The following PLEKHA5 variants were observed in gnomAD, a reference collection of about 807,000 sequenced individuals.
The protein encoded by PLEKHA5 is pleckstrin homology domain-containing family A member 5.
In PLEKHA5, 55 loss-of-function variants were observed where a neutral mutation model predicts 181.9. The ratio of observed to expected loss-of-function variants is 0.30; its 90% CI spans 0.24 to 0.38. The LOEUF is 0.38. Among genes scored for constraint, PLEKHA5 ranks in the 10% least tolerant of loss-of-function variants. The pLI, the probability that PLEKHA5 is intolerant of heterozygous loss-of-function variation, is 1.00. For synonymous variants in PLEKHA5, 535 were observed against 529.4 expected, an observed-to-expected ratio of 1.01 and a Z score of -0.15; for missense variants, 1,432 against 1,549.5, an observed-to-expected ratio of 0.92 and a Z score of 1.27.
At chr12:19,343,580 C>T in intron 22 of PLEKHA5, 146 bp downstream of exon 22, 1 of 641,712 alleles carries the variant, frequency 1.6e-6, no homozygotes, top group East Asian at 2.8e-5. Context: ...AGTTGTATGG[C>T]CTACTACACA....
chr12:19,273,888 C>A (rs1205646810), intron 10 of PLEKHA5, among the ~76,000 whole-genome samples: 5 of 152,160 alleles, frequency 3.3e-5, no homozygotes, highest in Admixed American at 2.0e-4. Flanking sequence ...TACCCATTTA[C>A]CAAAGAGGAA....
rs1194630127 is a variant in PLEKHA5 at position 19,376,028 on chromosome 12, AT to A, written c.*511del. The A allele has an allele frequency of 2.0e-5, 3 of 151,756 alleles. No individual in the cohort carries two copies. The South Asian group carries it at 6.2e-4, about 31-fold the overall frequency. 9.4% of individuals were successfully genotyped at this position (151,756 alleles called of 1,614,324 possible). On this transcript the variant is annotated 3_prime_UTR_variant, in exon 32 of 32. Coordinates refer to ENST00000429027, the MANE Select transcript of PLEKHA5 (RefSeq NM_001256470.2). The stretch of plus-strand genomic sequence containing the variant: ...ATATGTATTTAAAATGTGCCATTTT[AT>A]TGCTAAGTGAAGTATGTCCTGTTTT...
Position 19,322,522 on chromosome 12 carries a change from C to T in PLEKHA5, c.2303C>T (p.Thr768Met), listed in dbSNP as rs528534713. 9.9e-6 allele frequency: 16 copies of T among 1,613,714 alleles called. No individual in the cohort carries two copies. Among genetic ancestry groups the T allele is most frequent in the South Asian group, 2.2e-5 (2 of 91,074 alleles). Reference sequence around the variant, plus strand: ...TAATTCTTTTTATCATAATAGTACACGCTTGAGCAAGCTTTGCTATCAGCC... The same window carrying T: ...TAATTCTTTTTATCATAATAGTACATGCTTGAGCAAGCTTTGCTATCAGCC... ...KLQQLHKEKY[T>M]LEQALLSASQ... Residue 768 changes from threonine to methionine, a missense_variant, in exon 20 of 32, where the codon ACG (threonine) becomes ATG (methionine). By Grantham distance (81) the Thr-to-Met change is moderately conservative (BLOSUM62 -1). This residue lies in a region of PLEKHA5 where 1,143 missense variants were observed against 1,168.4 expected (regional missense o/e 0.98). Coordinates refer to ENST00000429027, the MANE Select transcript of PLEKHA5 (RefSeq NM_001256470.2).
intron 29 of PLEKHA5, among the ~76,000 whole-genome samples, chr12:19,362,437 G>A (rs986178211): frequency 1.3e-5 from 2 of 151,986 alleles, no homozygotes; most frequent in Admixed American, 1.3e-4. Flanking sequence ...GGGAGGCTGA[G>A]GCAGGAGAAA....
intron 3 of PLEKHA5, among the ~76,000 whole-genome samples, chr12:19,137,146 C>T (rs1379887515): frequency 6.6e-6 from 1 of 152,060 alleles, no homozygotes; most frequent in Non-Finnish European, 1.5e-5. Context: ...AGTTCTCCTG[C>T]CTCAGTCTCC....
At chr12:19,257,338 G>T in intron 5 of PLEKHA5, 95 bp from the exon 6 acceptor site, 1 of 621,796 alleles carries the variant, frequency 1.6e-6, no homozygotes. Context: ...CAAGTCTTGG[G>T]AAAATCTGAA....
At chr12:19,198,021 C>A (rs1245415427) in intron 3 of PLEKHA5, among the ~76,000 whole-genome samples, 1 of 152,156 alleles carries the variant, frequency 6.6e-6, no homozygotes, top group African/African-American at 2.4e-5. Flanking sequence ...TCCATCTCTG[C>A]CACACCTCTC....
At chr12:19,304,777 A>G (rs1481678100) in intron 15 of PLEKHA5, among the ~76,000 whole-genome samples, 1 of 150,596 alleles carries the variant, frequency 6.6e-6, no homozygotes, top group African/African-American at 2.4e-5. Context: ...TTCTTTTGCC[A>G]GATATGAGAA....
chr12:19,180,074 A>G (rs930099156), intron 3 of PLEKHA5, among the ~76,000 whole-genome samples: 1 of 152,172 alleles, frequency 6.6e-6, no homozygotes, highest in Non-Finnish European at 1.5e-5. Flanking sequence ...AAACACACAC[A>G]TGATTAATGA....
intron 2 of PLEKHA5, among the ~76,000 whole-genome samples, chr12:19,131,913 C>A (rs1453431415): frequency 6.6e-6 from 1 of 152,178 alleles, no homozygotes; most frequent in Non-Finnish European, 1.5e-5. Flanking sequence ...CATTTCTTTT[C>A]CATTAATTAA....
At chr12:19,181,820 A>G (rs974667711) in intron 3 of PLEKHA5, among the ~76,000 whole-genome samples, 4 of 152,104 alleles carry the variant, frequency 2.6e-5, no homozygotes, top group East Asian at 3.9e-4. Context: ...ATCTAAGACA[A>G]CTAAGGTAAG....
intron 15 of PLEKHA5, among the ~76,000 whole-genome samples, chr12:19,304,287 C>T (rs927132817): frequency 1.3e-5 from 2 of 152,136 alleles, no homozygotes; most frequent in African/African-American, 4.8e-5. Context: ...CACCTGTAAT[C>T]CCAGCTACTC....
rs184781473 is a variant in PLEKHA5 at position 19,354,778 on chromosome 12, G to A, written c.3138+776G>A. On this transcript the variant is annotated intron_variant, in intron 26 of 31. Transcript: ENST00000429027. ...ATTACAGGCGTGAGCCACCGCGCCC[G>A]GCCTTAAAATTTTGTTTAAAGAATT... 1.2e-3 allele frequency among the ~76,000 whole-genome samples: 188 copies of A among 152,230 alleles called. 1 individual carries two copies. The highest frequency in any genetic ancestry group is 0.011 in the Admixed American group (167 of 15,274).
chr12:19,166,989 G>C lies in PLEKHA5; in HGVS notation c.227+34539G>C, dbSNP rs192816742. Among the ~76,000 whole-genome samples the C allele has an allele frequency of 2.1e-3, 324 of 152,200 alleles. 2 individuals carry two copies. The highest frequency in any genetic ancestry group is 7.4e-3 in the African/African-American group (308 of 41,542). The stretch of plus-strand genomic sequence containing the variant: ...TAAAGAAGTCACTAAACATATATTC[G>C]AGACAGATGATAACTACTCCCTGTA... On this transcript the variant is annotated intron_variant, in intron 3 of 31. Coordinates refer to ENST00000429027, the MANE Select transcript of PLEKHA5 (RefSeq NM_001256470.2).
chr12:19,297,552 G>A (rs2152888060), intron 15 of PLEKHA5, among the ~76,000 whole-genome samples: 1 of 149,628 alleles, frequency 6.7e-6, no homozygotes, highest in African/African-American at 2.5e-5. Flanking sequence ...AACCCGGGAA[G>A]CGGAGCTTGC....
At chr12:19,337,548 C>CAAAAAAAAAAAAAAAAAAAAAAAAAA in intron 21 of PLEKHA5, among the ~76,000 whole-genome samples, 1 of 61,688 alleles carries the variant, frequency 1.6e-5, no homozygotes, top group Non-Finnish European at 3.4e-5. Context: ...GACTCTATCT[C>CAAAAAAAAAAAAAAAAAAAAAAAAAA]AAAAAAAAAA....
intron 11 of PLEKHA5, among the ~76,000 whole-genome samples, chr12:19,277,152 T>TGG (rs35651986): frequency 6.6e-6 from 1 of 151,910 alleles, no homozygotes; most frequent in Non-Finnish European, 1.5e-5. Flanking sequence ...GAAGCAGGTC[T>TGG]GGGGGGAAAA....
At chr12:19,227,125 A>G (rs1164212379) in intron 3 of PLEKHA5, among the ~76,000 whole-genome samples, 1 of 152,128 alleles carries the variant, frequency 6.6e-6, no homozygotes, top group African/African-American at 2.4e-5. Context: ...AATACACAGA[A>G]CTGGCTTTTT....
intron 3 of PLEKHA5, among the ~76,000 whole-genome samples, chr12:19,236,009 C>G (rs1250742948): frequency 6.6e-6 from 1 of 152,048 alleles, no homozygotes; most frequent in Non-Finnish European, 1.5e-5. Flanking sequence ...TAGCTAAACA[C>G]AGAAAAGCAC....
Sources: allele counts gnomAD v4.1 joint callset (sites outside exome capture counted in the v4.1 genomes callset), GRCh38; gene constraint gnomAD v4.1.1; regional missense constraint gnomAD v4.1.1; transcripts MANE v1.5; gene names NCBI Gene and HGNC (gene_info 2026-07-23, HGNC 2026-07-21).